CRYBG1: variants seen among roughly 807,000 people sequenced by gnomAD.
The protein encoded by CRYBG1 is crystallin beta-gamma domain containing 1, also known as beta/gamma crystallin domain-containing protein 1.
Under a neutral mutation model 189.2 loss-of-function variants are expected in CRYBG1, and 139 were observed. The ratio of observed to expected loss-of-function variants is 0.73; its 90% CI spans 0.64 to 0.85. CRYBG1 has a LOEUF of 0.85. Among genes scored for constraint, CRYBG1 ranks in the 40% least tolerant of loss-of-function variants. CRYBG1 has a pLI of 0.00. For synonymous variants in CRYBG1, 1,023 were observed against 1,017.1 expected (o/e 1.01, Z -0.11); for missense variants, 2,611 against 2,675.8 (o/e 0.98, Z 0.53).
chr6:106,517,263 G>C (rs923558368), intron 3 of CRYBG1, among the ~76,000 whole-genome samples: 26 of 147,088 alleles, frequency 1.8e-4, no homozygotes, highest in African/African-American at 6.6e-4. Context: ...CTCCCTCCTT[G>C]ACCTCCCAAA....
At chr6:106,561,004 A>AT (rs1360511406) in intron 19 of CRYBG1, 78 bp downstream of exon 19, 8 of 1,425,994 alleles carry the variant, frequency 5.6e-6, no homozygotes, top group Non-Finnish European at 7.5e-6. Flanking sequence ...TTTTTATCCA[A>AT]TTTTTTTATT....
chr6:106,381,949 A>G lies in CRYBG1; in HGVS notation c.173+20868A>G, dbSNP rs77682360. 8.0e-3 allele frequency among the ~76,000 whole-genome samples: 1,224 copies of G among 152,296 alleles called. 15 individuals carry two copies. Among genetic ancestry groups the G allele is most frequent in the African/African-American group, 0.028 (1,170 of 41,546 alleles). On this transcript the variant is annotated intron_variant, in intron 1 of 21. Transcript: ENST00000633556. ...CAGAGTACATCTAAACTGCTAGACT[A>G]TGGTGCACCAAGGGAAGATAGATAT... is the stretch of plus-strand genomic sequence containing the variant.
In CRYBG1 at chr6:106,513,110, G is replaced by A. The variant is rs186853880; in HGVS notation, c.1922+71G>A. On this transcript the variant is annotated intron_variant, in intron 3 of 21. Coordinates refer to ENST00000633556, the MANE Select transcript of CRYBG1 (RefSeq NM_001371242.2). Reference sequence around the variant, plus strand: ...GCTGGGGGTCCGCTCTGAGAGGCTCGGGGTATCTGCATTGTGGAAGAAACG... The same window carrying A: ...GCTGGGGGTCCGCTCTGAGAGGCTCAGGGTATCTGCATTGTGGAAGAAACG... 4.0e-4 allele frequency: 608 copies of A among 1,503,918 alleles called. 1 individual carries two copies. In the African/African-American group the frequency reaches 7.4e-3, roughly 18 times the overall value. 93.2% of individuals were successfully genotyped at this position (1,503,918 alleles called of 1,614,324 possible). A position where few individuals can be genotyped will look rare whatever the true frequency, so the allele number is the denominator to read the frequency against.
At position 106,520,777 on chromosome 6, in the gene CRYBG1, A is replaced by C. The variant is rs61739377; in HGVS notation, c.3569A>C (p.Lys1190Thr). The change falls in exon 4 of 22, where the codon AAA becomes ACA. Residue 1190 changes from lysine to threonine, a missense_variant. By Grantham distance (78) the Lys-to-Thr change is moderately conservative (BLOSUM62 -1). Around this residue, in one of 3 missense-constraint regions of CRYBG1, gnomAD observed 1,622 missense variants for 1,735.0 expected, o/e 0.93. Transcript: ENST00000633556. ...NLDTKSKLRPKRASAEQSVLF... is the reference protein window; with the variant it reads ...NLDTKSKLRPTRASAEQSVLF... ...GACACAAAATCCAAACTGAGACCCA[A>C]ACGTGCATCTGCTGAACAGAGCGTC... 2.1e-4 allele frequency: 338 copies of C among 1,614,080 alleles called. No individual in the cohort carries two copies. Among genetic ancestry groups the C allele is most frequent in the Non-Finnish European group, 2.6e-4 (304 of 1,180,044 alleles).
intron 13 of CRYBG1, among the ~76,000 whole-genome samples, chr6:106,549,854 C>T (rs564035393): frequency 6.6e-6 from 1 of 152,168 alleles, no homozygotes; most frequent in Non-Finnish European, 1.5e-5. Context: ...TTTAAATCAG[C>T]CCTTTGGATA....
rs1230227968 is a variant in CRYBG1 at position 106,387,632 on chromosome 6, C to G, written c.173+26551C>G. On this transcript the variant is annotated intron_variant, in intron 1 of 21. Transcript: ENST00000633556. ...GTTTTTTCTATTGCTGTGTACAATT[C>G]TGCTCAACCCCAGATGGATAGGTTT... Among the ~76,000 whole-genome samples the G allele has an allele frequency of 3.3e-5, 5 of 152,152 alleles. No individual in the cohort carries two copies. The East Asian group carries it at 5.8e-4, about 18-fold the overall frequency.
chr6:106,440,115 G>A (rs752418697), intron 1 of CRYBG1, among the ~76,000 whole-genome samples: 4 of 152,064 alleles, frequency 2.6e-5, no homozygotes, highest in Non-Finnish European at 4.4e-5. Flanking sequence ...CCCTTCCAGG[G>A]CTGTGCACCT....
intron 1 of CRYBG1, among the ~76,000 whole-genome samples, chr6:106,448,965 A>T (rs2114433205): frequency 6.6e-6 from 1 of 152,304 alleles, no homozygotes; most frequent in East Asian, 1.9e-4. Flanking sequence ...GCAGTGACTA[A>T]ATTCAGTAGC....
At position 106,521,255 on chromosome 6, in the gene CRYBG1, A is replaced by G; in HGVS notation, c.4047A>G (p.Leu1349=). ...AAGATCTGGATTCACGAAGCAACCT[A>G]CACTTGCCAGAAACTAAATTTTCTG... ...TKEDLDSRSN[L]HLPETKFSEL... Residue 1349 remains leucine, a synonymous_variant, in exon 4 of 22, where the codon CTA becomes CTG. Transcript: ENST00000633556. 6.2e-7 allele frequency: 1 copy of G among 1,614,018 alleles called. No homozygotes were observed.
chr6:106,427,057 G>A (rs1771240724), intron 1 of CRYBG1, among the ~76,000 whole-genome samples: 1 of 151,726 alleles, frequency 6.6e-6, no homozygotes, highest in Non-Finnish European at 1.5e-5. Flanking sequence ...TGCCTCTTTT[G>A]CTGGTTATTC....
At chr6:106,469,769 A>G (rs1049117118) in intron 2 of CRYBG1, among the ~76,000 whole-genome samples, 1 of 152,166 alleles carries the variant, frequency 6.6e-6, no homozygotes, top group East Asian at 1.9e-4. Flanking sequence ...TGGCATTAAA[A>G]GAAAAAAAAA....
chr6:106,504,362 C>T (rs957898247), intron 2 of CRYBG1, among the ~76,000 whole-genome samples: 2 of 152,134 alleles, frequency 1.3e-5, no homozygotes, highest in Admixed American at 1.3e-4. Context: ...TGCTTACTAC[C>T]AGACAGTGTT....
chr6:106,513,020 G>C lies in CRYBG1; in HGVS notation c.1903G>C (p.Val635Leu), dbSNP rs368364774. Residue 635 changes from valine (V) to leucine (L), a missense_variant, in exon 3 of 22, where the codon GTG (valine) becomes CTG (leucine). Coordinates refer to ENST00000633556, the MANE Select transcript of CRYBG1 (RefSeq NM_001371242.2). ...RNHFGVGRST[V>L]TTKVTLPAKP... ...CCATTTCGGCGTGGGCAGGTCGACA[G>C]TGACCACTAAAGTGACCCTGTAAGT... The C allele has an allele frequency of 2.3e-4, 373 of 1,604,516 alleles. No individual in the cohort carries two copies. Among genetic ancestry groups the C allele is most frequent in the Non-Finnish European group, 2.9e-4 (347 of 1,179,678 alleles).
At chr6:106,507,339 G>A (rs1773153279) in intron 2 of CRYBG1, among the ~76,000 whole-genome samples, 1 of 152,242 alleles carries the variant, frequency 6.6e-6, no homozygotes, top group Non-Finnish European at 1.5e-5. Flanking sequence ...ACTGTAAGGT[G>A]TGCAGGCTGC....
At chr6:106,440,132 C>T (rs1198371745) in intron 1 of CRYBG1, among the ~76,000 whole-genome samples, 4 of 152,142 alleles carry the variant, frequency 2.6e-5, no homozygotes, top group African/African-American at 7.2e-5. Flanking sequence ...ACCTGCTGTG[C>T]TGCCTCTCTT....
chr6:106,361,972 T>TCTTTCTTTCTTTCTTTCTTTC lies in CRYBG1; in HGVS notation c.173+891_173+892insCTTTCTTTCTTTCTTTCTTTC, dbSNP rs71006681. Among the ~76,000 whole-genome samples the TCTTTCTTTCTTTCTTTCTTTC allele has an allele frequency of 5.8e-3, 704 of 120,844 alleles. 10 individuals are homozygous for TCTTTCTTTCTTTCTTTCTTTC. Among genetic ancestry groups the TCTTTCTTTCTTTCTTTCTTTC allele is most frequent in the African/African-American group, 0.025 (660 of 26,348 alleles). 79.3% of individuals were successfully genotyped at this position (120,844 alleles called of 152,430 possible). A position where few individuals can be genotyped will look rare whatever the true frequency, so the allele number is the denominator to read the frequency against. On this transcript the variant is annotated intron_variant, in intron 1 of 21. Transcript: ENST00000633556. The stretch of plus-strand genomic sequence containing the variant: ...TTTTCCTTTTATTTCTTTCTTTCTT[T>TCTTTCTTTCTTTCTTTCTTTC]TTTTTTTTTTTTTTCTGAGACGGAG...
At chr6:106,486,955 G>C (rs1176519420) in intron 2 of CRYBG1, among the ~76,000 whole-genome samples, 1 of 151,994 alleles carries the variant, frequency 6.6e-6, no homozygotes, top group Admixed American at 6.5e-5. Flanking sequence ...TTTGTTAATT[G>C]ATTTCTGGTT....
chr6:106,512,817 T>A lies in CRYBG1; in HGVS notation c.1700T>A (p.Ile567Asn). ...AGCGGGGAGGAGGCGGCGCGGGCCA[T>A]CCCCCGCGAGCTCCCGGTCAAGAGC... ...AESGEEAARAIPRELPVKSSS... is the reference protein window; with the variant it reads ...AESGEEAARANPRELPVKSSS... Residue 567 changes from isoleucine to asparagine, a missense_variant, in exon 3 of 22, where the codon ATC becomes AAC. By Grantham distance (149) the Ile-to-Asn change is moderately radical. Around this residue, in one of 3 missense-constraint regions of CRYBG1, gnomAD observed 985 missense variants for 924.4 expected, o/e 1.07. Coordinates refer to ENST00000633556, the MANE Select transcript of CRYBG1 (RefSeq NM_001371242.2). The A allele has an allele frequency of 1.9e-6, 3 of 1,575,142 alleles. No homozygotes were observed. Among genetic ancestry groups the A allele is most frequent in the Non-Finnish European group, 2.6e-6 (3 of 1,160,198 alleles).
intron 1 of CRYBG1, among the ~76,000 whole-genome samples, chr6:106,372,684 G>T (rs1225656343): frequency 6.6e-6 from 1 of 152,136 alleles, no homozygotes; most frequent in East Asian, 1.9e-4. Flanking sequence ...ATTCTTTTTG[G>T]CCAGATAATT....
Sources: allele counts gnomAD v4.1 joint callset (sites outside exome capture counted in the v4.1 genomes callset), GRCh38; gene constraint gnomAD v4.1.1; regional missense constraint gnomAD v4.1.1; transcripts MANE v1.5; gene names NCBI Gene and HGNC (gene_info 2026-07-23, HGNC 2026-07-21).